Variants in LARGE1 observed in about 807,000 individuals in gnomAD.
The protein encoded by LARGE1 is xylosyl- and glucuronyltransferase LARGE1.
LARGE1 carries 43 observed loss-of-function variants against 87.6 expected under a neutral mutation model. That is an observed-to-expected ratio of 0.49 (90% CI 0.38 to 0.63). LARGE1 has a LOEUF of 0.63. Among genes scored for constraint, LARGE1 ranks in the 30% least tolerant of loss-of-function variants. The probability of loss-of-function intolerance (pLI) is 0.00; values close to 1 mark genes in which losing one functional copy is unlikely to be tolerated. For synonymous variants in LARGE1, 434 were observed against 394.6 expected (o/e 1.10, Z -1.18); for missense variants, 802 against 1,000.2 (o/e 0.80, Z 2.67).
chr22:33,864,913 C>T (rs2064041613), intron 1 of LARGE1, among the ~76,000 whole-genome samples: 1 of 152,336 alleles, frequency 6.6e-6, no homozygotes, highest in Middle Eastern at 3.4e-3. Flanking sequence ...CGCTCACTCT[C>T]TCACATGTCT....
At chr22:33,243,513 T>C (rs1926615455) in intron 11 of LARGE1, among the ~76,000 whole-genome samples, 1 of 152,258 alleles carries the variant, frequency 6.6e-6, no homozygotes, top group Admixed American at 6.5e-5. Context: ...TAGTCTTTAA[T>C]GTCAGGCAAT....
chr22:33,405,266 A>C (rs879316862), intron 7 of LARGE1, among the ~76,000 whole-genome samples: 3 of 152,206 alleles, frequency 2.0e-5, no homozygotes, highest in Non-Finnish European at 2.9e-5. Flanking sequence ...ATCATGGCCC[A>C]GGAAGCTCTA....
intron 5 of LARGE1, among the ~76,000 whole-genome samples, chr22:33,574,258 A>C (rs1248333031): frequency 1.3e-5 from 2 of 152,198 alleles, no homozygotes; most frequent in African/African-American, 4.8e-5. Flanking sequence ...CAAAATCCAA[A>C]GATGCTCAAG....
Position 33,303,220 on chromosome 22 carries a change from G to A in LARGE1, c.1730+1009C>T, listed in dbSNP as rs146614265. Among the ~76,000 whole-genome samples, 424 of 152,230 alleles carry A rather than the reference G, an allele frequency of 2.8e-3. 5 individuals carry two copies. Among genetic ancestry groups the A allele is most frequent in the Admixed American group, 0.021 (327 of 15,294 alleles). ...TGCTTTCTCCAGCTGCTGACACCCCGTCCCATGATGTGGGGGGAGCTGGAA... is the reference window on the plus strand; with the variant it reads ...TGCTTTCTCCAGCTGCTGACACCCCATCCCATGATGTGGGGGGAGCTGGAA... On this transcript the variant is annotated intron_variant, in intron 12 of 14. Transcript: ENST00000397394.
intron 11 of LARGE1, among the ~76,000 whole-genome samples, chr22:33,240,639 C>T (rs1467532942): frequency 6.6e-6 from 1 of 152,118 alleles, no homozygotes. Context: ...TATTGCTTTG[C>T]TTTTTAAAAA....
At chr22:33,590,364 G>A (rs944698601) in intron 5 of LARGE1, among the ~76,000 whole-genome samples, 16 of 152,164 alleles carry the variant, frequency 1.1e-4, no homozygotes, top group African/African-American at 3.6e-4. Context: ...GTTTATTAAA[G>A]TAATTGATGT....
intron 11 of LARGE1, among the ~76,000 whole-genome samples, chr22:33,311,821 T>A (rs569339056): frequency 6.6e-6 from 1 of 152,332 alleles, no homozygotes; most frequent in African/African-American, 2.4e-5. Context: ...ATAGAGGATC[T>A]CTTATTTACT....
chr22:33,524,945 GAATTGTCTGAAATCC>G (rs2071809069), intron 6 of LARGE1, among the ~76,000 whole-genome samples: 1 of 152,212 alleles, frequency 6.6e-6, no homozygotes, highest in African/African-American at 2.4e-5. Flanking sequence ...AGATTCCAGA[GAATTGTCTGAAATCC>G]AATAAGGTTG....
At chr22:33,078,484 T>C in the LARGE1 span, among the ~76,000 whole-genome samples, 15 of 152,278 alleles carry the variant, frequency 9.9e-5, no homozygotes, top group African/African-American at 3.4e-4. Context: ...ATTATACCCA[T>C]TGTATAGGAG....
At chr22:33,722,209 C>T (rs1422320307) in intron 2 of LARGE1, among the ~76,000 whole-genome samples, 3 of 148,840 alleles carry the variant, frequency 2.0e-5, no homozygotes, top group Admixed American at 6.8e-5. Context: ...GCCGAGATCA[C>T]GCCACTGCCC....
the LARGE1 span, among the ~76,000 whole-genome samples, chr22:33,076,867 T>C: frequency 6.6e-6 from 1 of 152,218 alleles, no homozygotes; most frequent in Non-Finnish European, 1.5e-5. Context: ...ATGGATTTTC[T>C]TTTTAGTGAA....
chr22:33,736,821 G>A (rs193245320), intron 2 of LARGE1, among the ~76,000 whole-genome samples: 1 of 152,230 alleles, frequency 6.6e-6, no homozygotes, highest in Admixed American at 6.5e-5. Context: ...TTAGAGGATA[G>A]CAATCCATAA....
At chr22:33,166,670 C>T in exon 12 of LARGE1, 1 of 455,074 alleles carries the variant, frequency 2.2e-6, no homozygotes. Flanking sequence ...ACCACTTTGG[C>T]TTCAACGTTG....
chr22:33,242,909 A>G (rs1268529818), intron 11 of LARGE1, among the ~76,000 whole-genome samples: 1 of 152,188 alleles, frequency 6.6e-6, no homozygotes, highest in Non-Finnish European at 1.5e-5. Context: ...TTTGCCTAGT[A>G]CAAGCATCAC....
intron 1 of LARGE1, among the ~76,000 whole-genome samples, chr22:33,911,667 GCATGTC>G (rs1198477595): frequency 1.3e-5 from 2 of 152,202 alleles, no homozygotes; most frequent in Non-Finnish European, 2.9e-5. Context: ...AAGCTTTACA[GCATGTC>G]CATTCTTCTC....
intron 11 of LARGE1, among the ~76,000 whole-genome samples, chr22:33,193,904 ATATAT>A (rs1028575901): frequency 1.1e-4 from 16 of 146,800 alleles, no homozygotes; most frequent in Non-Finnish European, 2.1e-4. Context: ...TATATGTTTT[ATATAT>A]TATATATGTT....
chr22:33,616,224 T>C (rs1402425513), intron 4 of LARGE1, among the ~76,000 whole-genome samples: 1 of 152,162 alleles, frequency 6.6e-6, no homozygotes, highest in Non-Finnish European at 1.5e-5. Flanking sequence ...AAGAAGTGGA[T>C]GGCCGGGCAC....
At chr22:33,123,972 C>T in the LARGE1 span, among the ~76,000 whole-genome samples, 1 of 152,144 alleles carries the variant, frequency 6.6e-6, no homozygotes, top group African/African-American at 2.4e-5. Flanking sequence ...GTCCTCTTGG[C>T]TCCACTGCCT....
chr22:33,699,198 C>T (rs2082337584), intron 2 of LARGE1, among the ~76,000 whole-genome samples: 1 of 152,230 alleles, frequency 6.6e-6, no homozygotes, highest in Admixed American at 6.5e-5. Flanking sequence ...CTATTTTTCA[C>T]ATTCTAACAT....
Sources: allele counts gnomAD v4.1 joint callset (sites outside exome capture counted in the v4.1 genomes callset), GRCh38; gene constraint gnomAD v4.1.1; transcripts MANE v1.5; gene names NCBI Gene and HGNC (gene_info 2026-07-23, HGNC 2026-07-21).